DENND1A: variants seen among roughly 807,000 people sequenced by gnomAD.
DENND1A encodes the protein DENN domain-containing protein 1A.
In DENND1A, 51 loss-of-function variants were observed where a neutral mutation model predicts 113.7. That is an observed-to-expected ratio of 0.45 (90% CI 0.36 to 0.57). The LOEUF is 0.57. Among genes scored for constraint, DENND1A ranks in the 20% least tolerant of loss-of-function variants. The pLI is 0.00. For synonymous variants in DENND1A, 565 were observed against 570.8 expected (o/e 0.99, Z 0.14); for missense variants, 1,258 against 1,395.9 (o/e 0.90, Z 1.57).
chr9:123,607,157 A>C (rs2137608380), intron 11 of DENND1A, among the ~76,000 whole-genome samples: 1 of 152,260 alleles, frequency 6.6e-6, no homozygotes, highest in South Asian at 2.1e-4. Context: ...TGTTGTGACT[A>C]TGCACTGAAC....
chr9:123,839,934 G>C (rs569146694), intron 2 of DENND1A, among the ~76,000 whole-genome samples: 121 of 152,234 alleles, frequency 7.9e-4, no homozygotes, highest in African/African-American at 2.8e-3. Context: ...AAAAATAAAT[G>C]TAGGACACTG....
intron 11 of DENND1A, among the ~76,000 whole-genome samples, chr9:123,585,443 T>C (rs537160343): frequency 6.9e-4 from 105 of 152,234 alleles, no homozygotes; most frequent in Admixed American, 1.5e-3. Flanking sequence ...AGAATGTACT[T>C]TTGCACCAAC....
chr9:123,576,240 C>A (rs941129372), intron 12 of DENND1A, among the ~76,000 whole-genome samples: 3 of 152,282 alleles, frequency 2.0e-5, no homozygotes, highest in Middle Eastern at 6.8e-3. Flanking sequence ...ATTCTCCACC[C>A]CCTACTGGTA....
At chr9:123,511,334 C>G (rs1473869033) in intron 13 of DENND1A, among the ~76,000 whole-genome samples, 1 of 152,228 alleles carries the variant, frequency 6.6e-6, no homozygotes, top group Non-Finnish European at 1.5e-5. Context: ...GATCTGAGGG[C>G]TAACACAGCG....
chr9:123,471,946 GA>G (rs1256407933), intron 13 of DENND1A, among the ~76,000 whole-genome samples: 5 of 152,356 alleles, frequency 3.3e-5, no homozygotes, highest in African/African-American at 1.2e-4. Context: ...TCTGGATGGG[GA>G]TTCTGTACCG....
intron 5 of DENND1A, among the ~76,000 whole-genome samples, chr9:123,690,513 A>C (rs2065124448): frequency 6.6e-6 from 1 of 152,242 alleles, no homozygotes; most frequent in African/African-American, 2.4e-5. Flanking sequence ...AAGAATACTT[A>C]ACATGGAAAA....
At chr9:123,492,141 G>A (rs1340147166) in intron 13 of DENND1A, 1 of 152,296 alleles carries the variant, frequency 6.6e-6, no homozygotes, top group Non-Finnish European at 1.5e-5. Flanking sequence ...GGGCACTAGG[G>A]GCCACCAAGG....
chr9:123,704,378 C>T (rs1284959810), intron 5 of DENND1A, among the ~76,000 whole-genome samples: 1 of 152,166 alleles, frequency 6.6e-6, no homozygotes, highest in Non-Finnish European at 1.5e-5. Flanking sequence ...TGATTAAATT[C>T]TATCAGCAGA....
chr9:123,635,186 C>T (rs529870678), intron 9 of DENND1A, among the ~76,000 whole-genome samples: 4 of 152,192 alleles, frequency 2.6e-5, no homozygotes, highest in Admixed American at 1.3e-4. Context: ...TGCAACTTGA[C>T]GTGAAATAAA....
chr9:123,589,145 G>A (rs1003908084), intron 11 of DENND1A, among the ~76,000 whole-genome samples: 24 of 152,158 alleles, frequency 1.6e-4, no homozygotes, highest in Non-Finnish European at 1.2e-4. Context: ...AGAACTTTGC[G>A]TGGATCATTA....
intron 12 of DENND1A, among the ~76,000 whole-genome samples, chr9:123,568,033 G>A (rs1564733939): frequency 6.6e-6 from 1 of 152,204 alleles, no homozygotes; most frequent in Non-Finnish European, 1.5e-5. Context: ...GTACAAAGGT[G>A]TTCACAAATG....
intron 13 of DENND1A, among the ~76,000 whole-genome samples, chr9:123,523,359 C>T (rs906085880): frequency 1.3e-5 from 2 of 152,204 alleles, no homozygotes; most frequent in African/African-American, 4.8e-5. Flanking sequence ...GAGGCGGTAA[C>T]TCTTATTCCA....
At chr9:123,503,903 T>C (rs934286225) in intron 13 of DENND1A, among the ~76,000 whole-genome samples, 1 of 152,216 alleles carries the variant, frequency 6.6e-6, no homozygotes, top group Non-Finnish European at 1.5e-5. Flanking sequence ...CGGGTCTTTA[T>C]CGTTCCCTGT....
chr9:123,842,920 T>C, intron 2 of DENND1A: 1 of 275,990 alleles, frequency 3.6e-6, no homozygotes, highest in South Asian at 3.5e-5. Context: ...ATCCTAAGAA[T>C]GCAAGGTTGG....
intron 2 of DENND1A, among the ~76,000 whole-genome samples, chr9:123,842,385 A>C (rs1045235361): frequency 6.6e-6 from 1 of 152,194 alleles, no homozygotes; most frequent in Admixed American, 6.5e-5. Context: ...AACCATGAGG[A>C]CCATATTTGC....
intron 19 of DENND1A, among the ~76,000 whole-genome samples, chr9:123,420,462 G>A (rs2045174771): frequency 6.6e-6 from 1 of 152,162 alleles, no homozygotes; most frequent in African/African-American, 2.4e-5. Flanking sequence ...GGTCCGGGAA[G>A]AAAAGCCGCA....
At chr9:123,724,508 A>G (rs2067560123) in intron 5 of DENND1A, among the ~76,000 whole-genome samples, 2 of 131,616 alleles carry the variant, frequency 1.5e-5, no homozygotes, top group Admixed American at 1.4e-4. Flanking sequence ...AGGACAGAGA[A>G]GCATAAAATT....
chr9:123,636,203 TCTTC>T lies in DENND1A; in HGVS notation c.619-5731_619-5728del, dbSNP rs1454389026. On this transcript the variant is annotated intron_variant, in intron 9 of 23. Transcript: ENST00000394215. ...CCATCACCTGACCAGGGCACAGCTG[TCTTC>T]CTTACTTGGCCCCTGATACTCTGAA... 2.0e-5 allele frequency among the ~76,000 whole-genome samples: 3 copies of T among 152,184 alleles called. No individual in the cohort carries two copies. In the East Asian group the frequency reaches 5.8e-4, roughly 29 times the overall value.
chr9:123,552,033 G>GAGAC (rs200418187), intron 13 of DENND1A, among the ~76,000 whole-genome samples: 5,253 of 144,036 alleles, frequency 0.036, 156 homozygotes, highest in Admixed American at 0.098. Flanking sequence ...GAGAGAGAGA[G>GAGAC]AGAGACAGAG....
Sources: allele counts gnomAD v4.1 joint callset (sites outside exome capture counted in the v4.1 genomes callset), GRCh38; gene constraint gnomAD v4.1.1; transcripts MANE v1.5; gene names NCBI Gene and HGNC (gene_info 2026-07-23, HGNC 2026-07-21).